Variants in RNF130 observed in about 807,000 individuals in gnomAD.
The protein encoded by RNF130 is E3 ubiquitin-protein ligase RNF130.
RNF130 carries 21 observed loss-of-function variants against 44.6 expected under a neutral mutation model. The observed-to-expected ratio is 0.47, with a 90% confidence interval of 0.33 to 0.68. The LOEUF is 0.68. RNF130 is among the 30% of genes least tolerant of loss of function. The pLI is 0.02. For synonymous variants in RNF130, 214 were observed against 210.4 expected (o/e 1.02, Z -0.15); for missense variants, 479 against 560.6 (o/e 0.85, Z 1.47).
intron 3 of RNF130, among the ~76,000 whole-genome samples, chr5:179,982,967 TGTG>T (rs1267594985): frequency 6.6e-6 from 1 of 152,220 alleles, no homozygotes; most frequent in Non-Finnish European, 1.5e-5. Context: ...GTACATTGTC[TGTG>T]GTGAAGTGTC....
chr5:180,007,988 G>GTTT lies in RNF130; in HGVS notation c.693+5070_693+5072dup, dbSNP rs371751598. 3.8e-3 allele frequency among the ~76,000 whole-genome samples: 488 copies of GTTT among 129,820 alleles called. 7 individuals carry two copies. The highest frequency in any genetic ancestry group is 7.6e-3 in the African/African-American group (261 of 34,508). The allele number at this position is 129,820 out of a possible 152,430, so 85.2% of individuals were successfully genotyped here. Reference sequence around the variant, plus strand: ...ACATATTTTAAAAACAAATCTTTTAGTTTTTTTTTTTTTTTTTTTTAACAG... The same window carrying GTTT: ...ACATATTTTAAAAACAAATCTTTTAGTTTTTTTTTTTTTTTTTTTTTTTAACAG... On this transcript the variant is annotated intron_variant, in intron 3 of 8. Transcript: ENST00000521389.
chr5:180,040,837 A>G (rs1016732512), intron 1 of RNF130, among the ~76,000 whole-genome samples, 190 bp from the exon 2 acceptor site: 1 of 152,244 alleles, frequency 6.6e-6, no homozygotes, highest in Non-Finnish European at 1.5e-5. Context: ...GAGATGCTCC[A>G]TGGGACGGTT....
intron 5 of RNF130, among the ~76,000 whole-genome samples, chr5:179,973,745 C>T (rs1462711547): frequency 1.3e-5 from 2 of 152,138 alleles, no homozygotes; most frequent in South Asian, 2.1e-4. Context: ...AAAGAAGTTC[C>T]CCACTCACGT....
intron 5 of RNF130, among the ~76,000 whole-genome samples, chr5:179,975,125 G>C (rs914560352): frequency 1.3e-5 from 2 of 152,234 alleles, no homozygotes; most frequent in Admixed American, 1.3e-4. Flanking sequence ...GAACCGCTTA[G>C]CAACATGAGG....
intron 2 of RNF130, among the ~76,000 whole-genome samples, chr5:180,014,496 T>A (rs1028082612): frequency 2.0e-5 from 3 of 152,128 alleles, no homozygotes; most frequent in Non-Finnish European, 4.4e-5. Context: ...TTATTTGAAT[T>A]TGAATAAGGT....
At chr5:179,985,521 G>A (rs1362363241) in intron 3 of RNF130, among the ~76,000 whole-genome samples, 1 of 152,110 alleles carries the variant, frequency 6.6e-6, no homozygotes, top group Non-Finnish European at 1.5e-5. Flanking sequence ...ATGGGGTTCT[G>A]GGTGGCCAGG....
At chr5:180,039,937 C>A (rs548873088) in intron 2 of RNF130, among the ~76,000 whole-genome samples, 117 of 152,278 alleles carry the variant, frequency 7.7e-4, no homozygotes, top group African/African-American at 2.7e-3. Context: ...CATCGCACAG[C>A]GCCTGGCATT....
rs554988517 is a variant in RNF130 at position 180,066,947 on chromosome 5, C to T, written c.247+4509G>A. 3.3e-5 allele frequency among the ~76,000 whole-genome samples: 5 copies of T among 152,326 alleles called. No individual in the cohort carries two copies. The East Asian group carries it at 9.6e-4, about 29-fold the overall frequency. On this transcript the variant is annotated intron_variant, in intron 1 of 8. Coordinates refer to ENST00000521389, the MANE Select transcript of RNF130 (RefSeq NM_018434.6). ...GACTGAGGCAGGAGGATCAATCACT[C>T]AACTCCCCGAGGTCAAGGCTACAGT...
chr5:179,924,928 C>A (rs996609161), intron 7 of RNF130, among the ~76,000 whole-genome samples: 4 of 152,170 alleles, frequency 2.6e-5, no homozygotes, highest in African/African-American at 9.7e-5. Flanking sequence ...CCTCAGCCCC[C>A]AGAAGCATCA....
intron 3 of RNF130, among the ~76,000 whole-genome samples, chr5:179,991,264 C>A (rs1359484630): frequency 6.6e-6 from 1 of 152,152 alleles, no homozygotes; most frequent in Non-Finnish European, 1.5e-5. Context: ...TTTAAGCAAT[C>A]TGATGACTAT....
chr5:179,985,304 TATAATA>T (rs565639988), intron 3 of RNF130, among the ~76,000 whole-genome samples: 5 of 152,140 alleles, frequency 3.3e-5, no homozygotes, highest in Non-Finnish European at 5.9e-5. Context: ...TGGCATTTCC[TATAATA>T]ATAATGACAT....
At chr5:180,059,593 A>ATAAC (rs1554107678) in intron 1 of RNF130, among the ~76,000 whole-genome samples, 84 of 152,358 alleles carry the variant, frequency 5.5e-4, no homozygotes, top group Non-Finnish European at 1.0e-3. Context: ...TGCAAATGAG[A>ATAAC]AGGTGCATCA....
In RNF130 at chr5:179,934,936, T is replaced by C. The variant is rs562903149; in HGVS notation, c.1151-14510A>G. Among the ~76,000 whole-genome samples, 3 of 152,316 alleles carry C rather than the reference T, an allele frequency of 2.0e-5. No individual in the cohort carries two copies. In the South Asian group the frequency reaches 6.2e-4, roughly 32 times the overall value. On this transcript the variant is annotated intron_variant, in intron 7 of 7. Transcript: ENST00000522208. The stretch of plus-strand genomic sequence containing the variant: ...TCCTTCCTTTGATTTAGTTTGTTGT[T>C]CTTTGAGACAAATGCTTCGAACTTT...
chr5:179,978,209 G>A lies in RNF130; in HGVS notation c.842C>T (p.Pro281Leu), dbSNP rs1561678057. The A allele has an allele frequency of 6.2e-7, 1 of 1,610,938 alleles. No homozygotes were observed. Among genetic ancestry groups the A allele is most frequent in the Non-Finnish European group, 8.5e-7 (1 of 1,177,046 alleles). Residue 281 changes from proline to leucine, a missense_variant, in exon 5 of 9, where the codon CCC becomes CTC. Pro to Leu is a moderately conservative substitution (Grantham distance 98). Transcript: ENST00000521389. Reference sequence around the variant, plus strand: ...ACAAATGAAGTTGACATACTTGCAGGGGAGAATTCGGACGACATCATTCTG... The same window carrying A: ...ACAAATGAAGTTGACATACTTGCAGAGGAGAATTCGGACGACATCATTCTG... ...YKQNDVVRIL[P>L]CKHVFHKSCV...
chr5:180,030,785 A>G (rs1347672937), intron 2 of RNF130, among the ~76,000 whole-genome samples: 2 of 152,250 alleles, frequency 1.3e-5, no homozygotes, highest in Non-Finnish European at 2.9e-5. Flanking sequence ...AAATGGAATC[A>G]TATAATAGTA....
intron 5 of RNF130, among the ~76,000 whole-genome samples, chr5:179,972,817 CT>C (rs1762615753): frequency 6.6e-6 from 1 of 152,188 alleles, no homozygotes; most frequent in Non-Finnish European, 1.5e-5. Flanking sequence ...ACAGTGTTCT[CT>C]GCCTGTTTCT....
chr5:179,920,135 C>T (rs974813494), exon 8 of RNF130: 1 of 544,728 alleles, frequency 1.8e-6, no homozygotes, highest in Non-Finnish European at 3.3e-6. Context: ...CTGGGCAATG[C>T]TACTGTCCTC....
At chr5:179,946,708 C>T (rs270335) in intron 7 of RNF130, among the ~76,000 whole-genome samples, 5,453 of 151,040 alleles carry the variant, frequency 0.036, 298 homozygotes, top group African/African-American at 0.13. Context: ...CGCCCGCCAC[C>T]ACGCCCGGCT....
At chr5:179,974,954 C>T (rs1190786611) in intron 5 of RNF130, among the ~76,000 whole-genome samples, 5 of 152,230 alleles carry the variant, frequency 3.3e-5, no homozygotes, top group African/African-American at 9.6e-5. Context: ...AATGGTGAAG[C>T]GGTCCTCTGA....
Sources: allele counts gnomAD v4.1 joint callset (sites outside exome capture counted in the v4.1 genomes callset), GRCh38; gene constraint gnomAD v4.1.1; transcripts MANE v1.5; gene names NCBI Gene and HGNC (gene_info 2026-07-23, HGNC 2026-07-21).